BCAS3: variants seen among roughly 807,000 people sequenced by gnomAD.
BCAS3 encodes the protein BCAS3 microtubule associated cell migration factor.
Under a neutral mutation model 116.1 loss-of-function variants are expected in BCAS3, and 53 were observed. The ratio of observed to expected loss-of-function variants is 0.46; its 90% CI spans 0.37 to 0.57. The LOEUF (loss-of-function observed/expected upper bound fraction) is 0.57. Ranked by LOEUF, BCAS3 falls within the 20% of genes least tolerant of loss-of-function variation. The pLI is 0.00. For synonymous variants in BCAS3, 391 were observed against 408.2 expected (o/e 0.96, Z 0.51); for missense variants, 917 against 1,165.4 (o/e 0.79, Z 3.10).
intron 5 of BCAS3, among the ~76,000 whole-genome samples, chr17:60,714,492 C>T (rs1162830350): frequency 6.6e-6 from 1 of 152,020 alleles, no homozygotes; most frequent in South Asian, 2.1e-4. Flanking sequence ...GGTGAAACTC[C>T]GTCTCTACTA....
At chr17:60,712,305 A>G (rs1358863089) in intron 5 of BCAS3, among the ~76,000 whole-genome samples, 2 of 148,486 alleles carry the variant, frequency 1.3e-5, no homozygotes, top group Middle Eastern at 3.4e-3. Flanking sequence ...GAGCCTGGGA[A>G]GTTGAGGCTG....
rs770631600 is a variant in BCAS3 at position 61,334,394 on chromosome 17, C to T, written c.2426-33933C>T. ...TGTTGTAAGAATAATGGGCCGGGCG[C>T]GGTGGCTCACGCCTGTAATCCCAGC... On this transcript the variant is annotated intron_variant, in intron 22 of 23. Coordinates refer to ENST00000407086, the MANE Select transcript of BCAS3 (RefSeq NM_017679.5). 5.3e-5 allele frequency among the ~76,000 whole-genome samples: 8 copies of T among 152,088 alleles called. No individual in the cohort carries two copies. In the East Asian group the frequency reaches 5.8e-4, roughly 11 times the overall value.
intron 22 of BCAS3, among the ~76,000 whole-genome samples, chr17:61,310,304 A>G (rs1196371383): frequency 6.6e-6 from 1 of 152,234 alleles, no homozygotes; most frequent in Non-Finnish European, 1.5e-5. Context: ...CTGTAATCCC[A>G]GCACTCTGGG....
Position 61,380,450 on chromosome 17 carries a change from C to G in BCAS3, c.2594-11527C>G, listed in dbSNP as rs2059551669. ...CACTTTGATCTCAGCTCTTCCTGCT[C>G]TCTTAAAGGTCCAGTTTGTGATCCG... On this transcript the variant is annotated intron_variant, in intron 23 of 23. Coordinates refer to ENST00000407086, the MANE Select transcript of BCAS3 (RefSeq NM_017679.5). This position sits in a 1 kb window ranked among gnomAD's most constrained non-coding sequence, Gnocchi z 4.2. 6.6e-7 allele frequency: 1 copy of G among 1,517,304 alleles called. No individual in the cohort carries two copies. Among genetic ancestry groups the G allele is most frequent in the South Asian group, 1.1e-5 (1 of 87,060 alleles). The allele number at this position is 1,517,304 out of a possible 1,614,324, so 94.0% of individuals were successfully genotyped here.
intron 6 of BCAS3, among the ~76,000 whole-genome samples, chr17:60,752,486 C>T (rs1019570276): frequency 5.3e-5 from 8 of 150,270 alleles, no homozygotes; most frequent in East Asian, 2.0e-4. Flanking sequence ...TGCAGTGGCG[C>T]GATCTTGGCT....
At chr17:61,303,227 A>G (rs3853830) in intron 22 of BCAS3, among the ~76,000 whole-genome samples, 86,502 of 152,102 alleles carry the variant, frequency 0.57, 27,487 homozygotes, top group East Asian at 0.91. Context: ...AGAGCCGCAC[A>G]CTGCTGCAGG....
chr17:60,709,042 A>G (rs1240007128), intron 4 of BCAS3, among the ~76,000 whole-genome samples, 177 bp from the exon 5 acceptor site: 1 of 152,182 alleles, frequency 6.6e-6, no homozygotes, highest in African/African-American at 2.4e-5. Flanking sequence ...AATGACAGAT[A>G]TATAAGGAAA....
rs182348254 is a variant in BCAS3, at chr17:61,211,991, G to C, written c.2425+127427G>C. ...ATTGAAGAGTCTGAATATTTTGTAA[G>C]GATGTGAAGAGTTGCAAATAATCTT... On this transcript the variant is annotated intron_variant, in intron 22 of 23. Transcript: ENST00000407086. This position sits in a 1 kb window ranked among gnomAD's most constrained non-coding sequence, Gnocchi z 4.4. Among the ~76,000 whole-genome samples the C allele has an allele frequency of 2.1e-3, 318 of 152,320 alleles. 4 individuals are homozygous for C. The highest frequency in any genetic ancestry group is 8.3e-4 in the South Asian group (4 of 4,828).
At chr17:61,103,570 C>A (rs2074459797) in intron 22 of BCAS3, among the ~76,000 whole-genome samples, 1 of 152,180 alleles carries the variant, frequency 6.6e-6, no homozygotes, top group South Asian at 2.1e-4. Flanking sequence ...ACATTTTACT[C>A]AGCCTAAAAA....
chr17:61,321,035 A>T (rs1338406075), intron 22 of BCAS3, among the ~76,000 whole-genome samples: 1 of 152,232 alleles, frequency 6.6e-6, no homozygotes, highest in Non-Finnish European at 1.5e-5. Flanking sequence ...AGAGAATTTA[A>T]GATTTTCCAT....
In BCAS3 at chr17:61,281,466, G is replaced by A. The variant is rs953248697; in HGVS notation, c.2426-86861G>A. On this transcript the variant is annotated intron_variant, in intron 22 of 23. Transcript: ENST00000407086. The surrounding 1 kb of genome is among the most constrained non-coding windows in gnomAD (Gnocchi z 4.2). ...TATACTCCCACCCCCAGGTATGAGA[G>A]TACTTATTTCTCTACGCCTTGCCAG... Among the ~76,000 whole-genome samples the A allele has an allele frequency of 1.6e-4, 24 of 152,144 alleles. No individual in the cohort carries two copies. The highest frequency in any genetic ancestry group is 5.6e-4 in the African/African-American group (23 of 41,428).
rs1324877676 is a variant in BCAS3, at chr17:61,348,712, G to GA, written c.2426-19614dup. Reference sequence around the variant, plus strand: ...TGTACCTAAGCTGCCATGATCATGGGAGGACAGTCACGTGCTTCTTGCAAC... The same window carrying GA: ...TGTACCTAAGCTGCCATGATCATGGGAAGGACAGTCACGTGCTTCTTGCAAC... On this transcript the variant is annotated intron_variant, in intron 22 of 23. Coordinates refer to ENST00000407086, the MANE Select transcript of BCAS3 (RefSeq NM_017679.5). This position sits in a 1 kb window ranked among gnomAD's most constrained non-coding sequence, Gnocchi z 4.5. 9.2e-5 allele frequency among the ~76,000 whole-genome samples: 14 copies of GA among 151,892 alleles called. No homozygotes were observed. Among genetic ancestry groups the GA allele is most frequent in the African/African-American group, 3.1e-4 (13 of 41,458 alleles).
intron 19 of BCAS3, among the ~76,000 whole-genome samples, chr17:61,049,608 A>G (rs2068650756): frequency 6.6e-6 from 1 of 151,888 alleles, no homozygotes; most frequent in African/African-American, 2.4e-5. Context: ...GTGTATTATA[A>G]TCAATTTGCT....
chr17:61,017,735 A>T lies in BCAS3; in HGVS notation c.1637+1834A>T, dbSNP rs1407872613. Among the ~76,000 whole-genome samples, 1 of 152,150 alleles carries T rather than the reference A, an allele frequency of 6.6e-6. No homozygotes were observed. Among genetic ancestry groups the T allele is most frequent in the Non-Finnish European group, 1.5e-5 (1 of 68,012 alleles). On this transcript the variant is annotated intron_variant, in intron 16 of 23. Coordinates refer to ENST00000407086, the MANE Select transcript of BCAS3 (RefSeq NM_017679.5). This position sits in a 1 kb window ranked among gnomAD's most constrained non-coding sequence, Gnocchi z 4.7. ...CATAATATTTATGGTGAGGGGTAGG[A>T]AGTGAGTCTGCTTTTTTATGTAGTA...
intron 6 of BCAS3, among the ~76,000 whole-genome samples, chr17:60,802,367 C>CAT (rs1427484580): frequency 4.7e-5 from 6 of 127,348 alleles, no homozygotes; most frequent in African/African-American, 2.2e-4. Flanking sequence ...TACATACATA[C>CAT]ATACATATAT....
At chr17:61,046,058 TA>T (rs58014598) in intron 19 of BCAS3, among the ~76,000 whole-genome samples, 4 of 19,078 alleles carry the variant, frequency 2.1e-4, no homozygotes, top group Admixed American at 1.0e-3. Flanking sequence ...ATATATATAT[TA>T]TATATATATA....
At chr17:61,336,840 T>C (rs913000040) in intron 22 of BCAS3, among the ~76,000 whole-genome samples, 3 of 152,116 alleles carry the variant, frequency 2.0e-5, no homozygotes, top group Admixed American at 1.3e-4. Flanking sequence ...TGGCCAGGCG[T>C]GGTGGCTCAC....
chr17:60,977,318 T>C (rs1483821976), intron 14 of BCAS3, among the ~76,000 whole-genome samples: 1 of 152,100 alleles, frequency 6.6e-6, no homozygotes, highest in Non-Finnish European at 1.5e-5. Flanking sequence ...TGATTGGGAC[T>C]ATAGGCACAT....
At position 61,324,856 on chromosome 17, in the gene BCAS3, A is replaced by C. The variant is rs1000324539; in HGVS notation, c.2426-43471A>C. 2.6e-5 allele frequency among the ~76,000 whole-genome samples: 4 copies of C among 152,064 alleles called. No homozygotes were observed. The highest frequency in any genetic ancestry group is 9.7e-5 in the African/African-American group (4 of 41,424). On this transcript the variant is annotated intron_variant, in intron 22 of 23. Coordinates refer to ENST00000407086, the MANE Select transcript of BCAS3 (RefSeq NM_017679.5). The surrounding 1 kb of genome is among the most constrained non-coding windows in gnomAD (Gnocchi z 4.6). ...AAAAAAAGAAGAAACAAAAAAGAAG[A>C]TGTAGACTGTGTGATCTCTGAAATT... is the stretch of plus-strand genomic sequence containing the variant.
Sources: gnomAD v4.1 joint callset for allele counts (sites outside exome capture counted in the v4.1 genomes callset) on GRCh38, gnomAD v4.1.1 for gene constraint, Gnocchi (gnomAD v3.1) non-coding constraint, MANE v1.5 for transcripts, NCBI Gene and HGNC (gene_info 2026-07-23, HGNC 2026-07-21) for gene names.